The following PRMT3 variants were observed in gnomAD, a reference collection of about 807,000 sequenced individuals.
The protein encoded by PRMT3 is protein arginine methyltransferase 3.
Under a neutral mutation model 71.9 loss-of-function variants are expected in PRMT3, and 62 were observed. That is an observed-to-expected ratio of 0.86 (90% confidence interval 0.70 to 1.07). PRMT3 has a LOEUF of 1.07. Among genes scored for constraint, PRMT3 ranks in the 50% least tolerant of loss-of-function variants. The pLI is 0.00. For missense variants in PRMT3, 663 were observed against 643.0 expected (o/e 1.03, Z -0.34); for synonymous variants, 213 against 220.4 (o/e 0.97, Z 0.30).
intron 10 of PRMT3, among the ~76,000 whole-genome samples, chr11:20,440,489 CAAAAAAAAAA>C (rs55801324): frequency 8.6e-6 from 1 of 115,960 alleles, no homozygotes; most frequent in Non-Finnish European, 1.8e-5. Flanking sequence ...ACTAAAAATA[CAAAAAAAAAA>C]AAAAAAAAAA....
chr11:20,424,979 C>CT (rs1289627976), intron 9 of PRMT3, among the ~76,000 whole-genome samples: 1 of 152,024 alleles, frequency 6.6e-6, no homozygotes, highest in Non-Finnish European at 1.5e-5. Flanking sequence ...TGTCACGCAC[C>CT]TGTAGTCCCA....
At chr11:20,434,529 G>C (rs1007986542) in intron 10 of PRMT3, among the ~76,000 whole-genome samples, 3 of 151,936 alleles carry the variant, frequency 2.0e-5, no homozygotes, top group Admixed American at 2.0e-4. Context: ...TAAGTCTTTA[G>C]CCCATCTTGA....
chr11:20,438,254 G>A (rs111538592), intron 10 of PRMT3, among the ~76,000 whole-genome samples: 1 of 152,106 alleles, frequency 6.6e-6, no homozygotes, highest in African/African-American at 2.4e-5. Context: ...GGGGAAGCAG[G>A]GATGTTCTGG....
At chr11:20,458,121 A>T (rs1850308286) in intron 11 of PRMT3, among the ~76,000 whole-genome samples, 1 of 152,146 alleles carries the variant, frequency 6.6e-6, no homozygotes, top group Non-Finnish European at 1.5e-5. Flanking sequence ...TTTTATGCAT[A>T]TCAAGCATTT....
intron 9 of PRMT3, among the ~76,000 whole-genome samples, chr11:20,422,374 A>T (rs1849446795): frequency 1.3e-5 from 2 of 151,954 alleles, no homozygotes; most frequent in Non-Finnish European, 2.9e-5. Context: ...GACAACTCAT[A>T]GTTTTAAGTT....
intron 11 of PRMT3, among the ~76,000 whole-genome samples, chr11:20,455,326 A>C (rs1187282866): frequency 2.0e-5 from 3 of 152,082 alleles, no homozygotes; most frequent in African/African-American, 7.2e-5. Flanking sequence ...TAATAATAGA[A>C]ACTTAAAGAA....
chr11:20,436,696 G>A (rs1286389661), intron 10 of PRMT3, among the ~76,000 whole-genome samples: 1 of 150,170 alleles, frequency 6.7e-6, no homozygotes, highest in Non-Finnish European at 1.5e-5. Flanking sequence ...ATTTTGTTAA[G>A]GACTTTTACA....
chr11:20,459,033 G>A (rs1850326789), intron 11 of PRMT3, among the ~76,000 whole-genome samples: 1 of 151,854 alleles, frequency 6.6e-6, no homozygotes, highest in South Asian at 2.1e-4. Context: ...AGTTTTATAG[G>A]CCATATAGCC....
At chr11:20,466,953 T>G (rs1208326701) in intron 13 of PRMT3, among the ~76,000 whole-genome samples, 3 of 152,236 alleles carry the variant, frequency 2.0e-5, no homozygotes, top group Non-Finnish European at 2.9e-5. Context: ...TTTATTTAGA[T>G]TTGCATTTTT....
intron 9 of PRMT3, among the ~76,000 whole-genome samples, chr11:20,422,082 T>C (rs920592470): frequency 4.6e-5 from 7 of 152,286 alleles, no homozygotes; most frequent in South Asian, 4.2e-4. Flanking sequence ...CTGTAGCAGA[T>C]TAGTTGTCAT....
At chr11:20,399,566 TA>T (rs1224331615) in intron 7 of PRMT3, among the ~76,000 whole-genome samples, 3 of 152,204 alleles carry the variant, frequency 2.0e-5, no homozygotes, top group African/African-American at 7.2e-5. Context: ...GAGGTTTATC[TA>T]GGGCCATGTT....
intron 15 of PRMT3, among the ~76,000 whole-genome samples, chr11:20,500,614 G>A (rs1019079095): frequency 2.6e-5 from 4 of 152,096 alleles, no homozygotes; most frequent in African/African-American, 9.7e-5. Flanking sequence ...TTTACAAAGG[G>A]GCAGTGTTGA....
At position 20,508,851 on chromosome 11, in the gene PRMT3, A is replaced by T. The variant is rs1390766304; in HGVS notation, c.*438A>T. 1 of 190,502 alleles carries T rather than the reference A, an allele frequency of 5.2e-6. No individual in the cohort carries two copies. The highest frequency in any genetic ancestry group is 2.3e-5 in the African/African-American group (1 of 42,758). The allele number at this position is 190,502 out of a possible 1,614,324, so 11.8% of individuals were successfully genotyped here. A position where few individuals can be genotyped will look rare whatever the true frequency, so the allele number is the denominator to read the frequency against. On this transcript the variant is annotated 3_prime_UTR_variant, in exon 16 of 16. Transcript: ENST00000331079. ...TTTATTATGGACTCCTCTGAGGAGG[A>T]GTTTTTAATTGTATTTGCTAGAAAA...
At chr11:20,482,646 T>C (rs1362324581) in intron 13 of PRMT3, among the ~76,000 whole-genome samples, 3 of 152,060 alleles carry the variant, frequency 2.0e-5, no homozygotes, top group Non-Finnish European at 4.4e-5. Flanking sequence ...CATGGAGTAA[T>C]GACGTATAAG....
chr11:20,393,064 G>T (rs1283670429), intron 5 of PRMT3, 65 bp downstream of exon 5: 7 of 1,000,034 alleles, frequency 7.0e-6, no homozygotes, highest in Non-Finnish European at 9.4e-6. Flanking sequence ...GCAAAATGGA[G>T]GTAGAGTGTT....
chr11:20,506,362 C>T (rs1029267649), intron 15 of PRMT3, among the ~76,000 whole-genome samples: 3 of 152,118 alleles, frequency 2.0e-5, no homozygotes, highest in Non-Finnish European at 4.4e-5. Context: ...GATATAAAAG[C>T]TAAAGCCAAA....
chr11:20,507,189 T>C (rs1387786614), intron 15 of PRMT3, among the ~76,000 whole-genome samples: 1 of 152,226 alleles, frequency 6.6e-6, no homozygotes, highest in African/African-American at 2.4e-5. Flanking sequence ...TTAATTCTTG[T>C]GAAACCTTGC....
intron 10 of PRMT3, among the ~76,000 whole-genome samples, chr11:20,442,886 T>C (rs954959632): frequency 6.6e-6 from 1 of 152,086 alleles, no homozygotes; most frequent in African/African-American, 2.4e-5. Context: ...TTGCTAGAGG[T>C]GAGATTGATA....
chr11:20,419,651 G>T (rs1478756812), intron 9 of PRMT3, among the ~76,000 whole-genome samples: 1 of 152,164 alleles, frequency 6.6e-6, no homozygotes, highest in East Asian at 1.9e-4. Context: ...TATATAGTAT[G>T]AAGTGGTGGT....
Sources: gnomAD v4.1 joint callset for allele counts (sites outside exome capture counted in the v4.1 genomes callset) on GRCh38, gnomAD v4.1.1 for gene constraint, MANE v1.5 for transcripts, NCBI Gene and HGNC (gene_info 2026-07-23, HGNC 2026-07-21) for gene names.